The following KLHL14 variants were observed in gnomAD, a reference collection of about 807,000 sequenced individuals.
KLHL14 encodes kelch-like protein 14.
KLHL14 carries 22 observed loss-of-function variants against 64.3 expected under a neutral mutation model. The ratio of observed to expected loss-of-function variants is 0.34; its 90% CI spans 0.24 to 0.49. The LOEUF (loss-of-function observed/expected upper bound fraction) is 0.49. KLHL14 is among the 20% of genes least tolerant of loss of function. KLHL14 has a pLI of 0.99. For synonymous variants in KLHL14, 322 were observed against 333.4 expected (o/e 0.97, Z 0.37); for missense variants, 661 against 789.0 (o/e 0.84, Z 1.94).
intron 5 of KLHL14, among the ~76,000 whole-genome samples, chr18:32,686,177 ATTTTTTTTT>A (rs148393455): frequency 4.6e-5 from 5 of 107,674 alleles, no homozygotes; most frequent in African/African-American, 1.1e-4. Flanking sequence ...GTGCCCGGCT[ATTTTTTTTT>A]TTTTTTTTTT....
rs1363627957 is a variant in KLHL14, at chr18:32,762,386, C to G, written c.947+7259G>C. Reference sequence around the variant, plus strand: ...TCTTTAGAAATTTCTTGCCCATCTTCTTTTTCTTCCTTTTTCAGATAGTTC... The same window carrying G: ...TCTTTAGAAATTTCTTGCCCATCTTGTTTTTCTTCCTTTTTCAGATAGTTC... On this transcript the variant is annotated intron_variant, in intron 2 of 8. Transcript: ENST00000359358. Among the ~76,000 whole-genome samples, 3 of 152,140 alleles carry G rather than the reference C, an allele frequency of 2.0e-5. No individual in the cohort carries two copies. In the East Asian group the frequency reaches 5.8e-4, roughly 29 times the overall value.
At chr18:32,733,172 A>AAGGTG (rs1319850093) in intron 3 of KLHL14, among the ~76,000 whole-genome samples, 1 of 152,178 alleles carries the variant, frequency 6.6e-6, no homozygotes, top group Non-Finnish European at 1.5e-5. Context: ...GAAAAAATTA[A>AAGGTG]AGGTGTGACT....
At chr18:32,748,095 A>G (rs974873494) in intron 2 of KLHL14, among the ~76,000 whole-genome samples, 6 of 152,336 alleles carry the variant, frequency 3.9e-5, no homozygotes, top group South Asian at 2.1e-4. Context: ...AAGCCATCAG[A>G]ATCTTTGAGG....
intron 3 of KLHL14, among the ~76,000 whole-genome samples, chr18:32,714,788 A>G (rs2050036873): frequency 6.6e-6 from 1 of 152,126 alleles, no homozygotes; most frequent in South Asian, 2.1e-4. Flanking sequence ...ATCAAGAACT[A>G]TGCTCAGGTA....
chr18:32,727,824 G>A (rs1022763417), intron 3 of KLHL14, among the ~76,000 whole-genome samples: 3 of 152,160 alleles, frequency 2.0e-5, no homozygotes, highest in African/African-American at 7.2e-5. Context: ...TTACCAGTAT[G>A]ACATGGACAG....
intron 3 of KLHL14, among the ~76,000 whole-genome samples, chr18:32,712,837 T>C (rs1468085705): frequency 6.6e-6 from 1 of 152,190 alleles, no homozygotes; most frequent in East Asian, 1.9e-4. Flanking sequence ...CACTTCTCGA[T>C]GCTCATCTCA....
chr18:32,674,429 G>C lies in KLHL14; in HGVS notation c.*228C>G. On this transcript the variant is annotated 3_prime_UTR_variant, in exon 9 of 9. Transcript: ENST00000359358. ...AGCTGGGATAAGTTAAAACCAGTCT[G>C]AAATGGAAGAGTCTGTCACCACAGG... 2.2e-6 allele frequency: 1 copy of C among 453,224 alleles called. No homozygotes were observed. Among genetic ancestry groups the C allele is most frequent in the Non-Finnish European group, 4.0e-6 (1 of 252,922 alleles). The allele number at this position is 453,224 out of a possible 1,614,324, so 28.1% of individuals were successfully genotyped here.
intron 7 of KLHL14, among the ~76,000 whole-genome samples, chr18:32,678,103 CT>C (rs2049820205): frequency 1.3e-5 from 2 of 152,106 alleles, no homozygotes; most frequent in Admixed American, 1.3e-4. Flanking sequence ...CCTACAGCTT[CT>C]GATAGGGTTC....
At chr18:32,728,541 C>G (rs925798341) in intron 3 of KLHL14, among the ~76,000 whole-genome samples, 1 of 152,094 alleles carries the variant, frequency 6.6e-6, no homozygotes, top group Non-Finnish European at 1.5e-5. Context: ...ATGTCAAGTC[C>G]TTACTCCCAG....
intron 3 of KLHL14, among the ~76,000 whole-genome samples, chr18:32,719,584 A>G (rs145144417): frequency 5.4e-4 from 82 of 152,354 alleles, no homozygotes; most frequent in African/African-American, 1.9e-3. Flanking sequence ...CATCCGTTTA[A>G]TGATAGCTAG....
chr18:32,739,437 T>G (rs2050183734), intron 3 of KLHL14, among the ~76,000 whole-genome samples: 1 of 152,012 alleles, frequency 6.6e-6, no homozygotes, highest in Admixed American at 6.6e-5. Context: ...CTTTCTACAT[T>G]TCTTCAACAA....
chr18:32,679,999 C>T (rs2049830198), intron 7 of KLHL14, among the ~76,000 whole-genome samples, 170 bp downstream of exon 7: 1 of 152,012 alleles, frequency 6.6e-6, no homozygotes, highest in Non-Finnish European at 1.5e-5. Context: ...GCAGCAAAGC[C>T]AAAATAAATG....
chr18:32,760,660 C>G (rs2050309771), intron 2 of KLHL14, among the ~76,000 whole-genome samples: 2 of 152,186 alleles, frequency 1.3e-5, no homozygotes, highest in South Asian at 4.1e-4. Flanking sequence ...CAACCCCTCA[C>G]AGGCGCTCTG....
rs1238684590 is a variant in KLHL14, at chr18:32,673,043, G to A, written c.*1614C>T. On this transcript the variant is annotated 3_prime_UTR_variant, in exon 9 of 9. Coordinates refer to ENST00000359358, the MANE Select transcript of KLHL14 (RefSeq NM_020805.3). ...AACTTTTCTTTCTATATACTCATAT[G>A]TTTTAAGGAAAAAGAAATGACAGTT... The A allele has an allele frequency of 3.0e-5, 4 of 133,052 alleles. No individual in the cohort carries two copies. Among genetic ancestry groups the A allele is most frequent in the Admixed American group, 1.4e-4 (2 of 13,884 alleles). 8.2% of individuals were successfully genotyped at this position (133,052 alleles called of 1,614,324 possible).
intron 3 of KLHL14, among the ~76,000 whole-genome samples, chr18:32,737,174 A>C (rs559840369): frequency 1.1e-4 from 16 of 152,278 alleles, no homozygotes; most frequent in South Asian, 8.3e-4. Context: ...TCTAGAAATA[A>C]CATTAAATTA....
Position 32,742,091 on chromosome 18 carries a change from G to A in KLHL14, c.948-42C>T, listed in dbSNP as rs373854596. 3.8e-6 allele frequency: 6 copies of A among 1,588,290 alleles called. No homozygotes were observed. The African/African-American group carries it at 5.5e-5, about 14-fold the overall frequency. On this transcript the variant is annotated intron_variant, in intron 2 of 8. Coordinates refer to ENST00000359358, the MANE Select transcript of KLHL14 (RefSeq NM_020805.3). ...AGAGGAGATGAATAACCACATTACT[G>A]TAGAGTCTTTTTAGTGGCAACGAAA... is the stretch of plus-strand genomic sequence containing the variant.
chr18:32,757,786 A>C (rs2050289497), intron 2 of KLHL14, among the ~76,000 whole-genome samples: 2 of 152,234 alleles, frequency 1.3e-5, no homozygotes, highest in Non-Finnish European at 1.5e-5. Context: ...TGATCACATG[A>C]AAACAAACAA....
intron 2 of KLHL14, among the ~76,000 whole-genome samples, chr18:32,760,377 CAA>C (rs2050308316): frequency 6.8e-6 from 1 of 146,092 alleles, no homozygotes; most frequent in African/African-American, 2.6e-5. Context: ...CACACACACA[CAA>C]ACATGCACAT....
intron 3 of KLHL14, among the ~76,000 whole-genome samples, chr18:32,698,295 G>A (rs568949778): frequency 3.9e-4 from 60 of 152,278 alleles, no homozygotes; most frequent in Non-Finnish European, 6.9e-4. Flanking sequence ...AGCAGATAGT[G>A]GGGGAGGTTT....
Sources: gnomAD v4.1 joint callset for allele counts (sites outside exome capture counted in the v4.1 genomes callset) on GRCh38, gnomAD v4.1.1 for gene constraint, MANE v1.5 for transcripts, NCBI Gene and HGNC (gene_info 2026-07-23, HGNC 2026-07-21) for gene names.